Variants in TSPEAR observed in about 807,000 individuals in gnomAD.
The protein encoded by TSPEAR is thrombospondin-type laminin G domain and EAR repeat-containing protein.
In TSPEAR, 69 loss-of-function variants were observed where a neutral mutation model predicts 71.6. The ratio of observed to expected loss-of-function variants is 0.96; its 90% CI spans 0.79 to 1.18. TSPEAR has a LOEUF of 1.18. Ranked by LOEUF, TSPEAR falls within the 50% of genes most tolerant of loss-of-function variation. The pLI, the probability that TSPEAR is intolerant of heterozygous loss-of-function variation, is 0.00. For synonymous variants in TSPEAR, 402 were observed against 387.2 expected (o/e 1.04, Z -0.45); for missense variants, 971 against 894.9 (o/e 1.09, Z -1.09).
rs200211565 is a variant in TSPEAR at position 44,539,508 on chromosome 21, T to C, written c.304-5585A>G. 3.4e-4 allele frequency: 548 copies of C among 1,613,326 alleles called. 2 individuals carry two copies. The highest frequency in any genetic ancestry group is 4.4e-4 in the Non-Finnish European group (515 of 1,179,690). ...GTGGTGCAGCAAGCCGGCTGGCAGC[T>C]AGACTGCTGGCAGCATGAAGTGGAA... On this transcript the variant is annotated intron_variant, in intron 2 of 11. Transcript: ENST00000323084.
At chr21:44,628,097 C>A in intron 1 of TSPEAR, 1 of 1,578,212 alleles carries the variant, frequency 6.3e-7, no homozygotes, top group Non-Finnish European at 8.6e-7. Context: ...CACCTCCCTG[C>A]CAGTCCTTGG....
rs147225685 is a variant in TSPEAR, at chr21:44,559,626, A to G, written c.303+8159T>C. 4.7e-4 allele frequency among the ~76,000 whole-genome samples: 71 copies of G among 152,260 alleles called. 1 individual carries two copies. The East Asian group carries it at 0.011, about 23-fold the overall frequency. ...TTAGTTCTACTGTTGGCTCCTGGACATTGTCATAGTAAATGTACAAATAAA... is the reference window on the plus strand; with the variant it reads ...TTAGTTCTACTGTTGGCTCCTGGACGTTGTCATAGTAAATGTACAAATAAA... On this transcript the variant is annotated intron_variant, in intron 2 of 11. Coordinates refer to ENST00000323084, the MANE Select transcript of TSPEAR (RefSeq NM_144991.3).
At chr21:44,514,852 G>C (rs1444396521) in intron 9 of TSPEAR, among the ~76,000 whole-genome samples, 5 of 152,116 alleles carry the variant, frequency 3.3e-5, no homozygotes, top group African/African-American at 1.2e-4. Context: ...CCTTCCCCAG[G>C]GTGGGCAGCC....
At chr21:44,676,843 G>T (rs1986336150) in intron 1 of TSPEAR, 1 of 956,160 alleles carries the variant, frequency 1.0e-6, no homozygotes, top group South Asian at 1.3e-5. Flanking sequence ...TTTCTCCAAG[G>T]CTAATGTGAT....
chr21:44,658,135 C>T (rs782141050), intron 1 of TSPEAR: 2 of 1,613,632 alleles, frequency 1.2e-6, no homozygotes, highest in Non-Finnish European at 1.7e-6. Flanking sequence ...CCTGCCAGCC[C>T]TCCGTGTGCG....
intron 2 of TSPEAR, among the ~76,000 whole-genome samples, chr21:44,559,732 C>T (rs1325295671): frequency 6.6e-6 from 1 of 152,200 alleles, no homozygotes; most frequent in Non-Finnish European, 1.5e-5. Flanking sequence ...GGGACCATAC[C>T]TGTGCGCTAG....
At chr21:44,668,131 T>A (rs1317761827) in intron 1 of TSPEAR, among the ~76,000 whole-genome samples, 1 of 152,204 alleles carries the variant, frequency 6.6e-6, no homozygotes, top group Admixed American at 6.5e-5. Context: ...TGTTCACAGA[T>A]GACATGATTT....
chr21:44,622,514 T>C (rs587741144), intron 1 of TSPEAR, among the ~76,000 whole-genome samples: 48 of 152,336 alleles, frequency 3.2e-4, no homozygotes, highest in South Asian at 8.3e-4. Context: ...ATGCTTTCTC[T>C]TAGCTCCAAG....
intron 1 of TSPEAR, among the ~76,000 whole-genome samples, chr21:44,626,887 A>G (rs11702317): frequency 0.36 from 53,680 of 150,410 alleles, 9,565 homozygotes; most frequent in Middle Eastern, 0.43. Flanking sequence ...GATCAGGCCC[A>G]CCCCAACTCC....
Position 44,525,726 on chromosome 21 carries a change from T to C in TSPEAR, c.1263A>G (p.Thr421=). The C allele has an allele frequency of 6.2e-7, 1 of 1,614,198 alleles. No homozygotes were observed. The highest frequency in any genetic ancestry group is 8.5e-7 in the Non-Finnish European group (1 of 1,180,040). ...AGGCCTCCCAGTCTCGGGCGCTGTGTGTGGCAATGCTCTGATATGGGGTAA... is the reference window on the plus strand; with the variant it reads ...AGGCCTCCCAGTCTCGGGCGCTGTGCGTGGCAATGCTCTGATATGGGGTAA... ...LKFTPYQSIA[T]HSARDWEAFE... is the part of the protein sequence containing the mutation. The change falls in exon 8 of 12, where the codon ACA becomes ACG. Residue 421 remains threonine (T), a synonymous_variant. Transcript: ENST00000323084.
chr21:44,529,785 C>T lies in TSPEAR; in HGVS notation c.790+13G>A, dbSNP rs782635747. On this transcript the variant is annotated intron_variant, in intron 5 of 11. Transcript: ENST00000323084. ...CTGCCTTTGGTGTGGGGGCGGGTGG[C>T]CCCCCTACTAACCATAGGGATATTT... 6.8e-6 allele frequency: 11 copies of T among 1,612,998 alleles called. No homozygotes were observed. The highest frequency in any genetic ancestry group is 5.3e-5 in the African/African-American group (4 of 74,908).
At chr21:44,536,312 G>C (rs1017128030) in intron 2 of TSPEAR, among the ~76,000 whole-genome samples, 22 of 152,168 alleles carry the variant, frequency 1.4e-4, no homozygotes, top group Non-Finnish European at 2.9e-4. Flanking sequence ...CTACCCACTC[G>C]CATTTTGGGC....
At chr21:44,662,264 A>G (rs1320485137) in intron 1 of TSPEAR, among the ~76,000 whole-genome samples, 1 of 152,204 alleles carries the variant, frequency 6.6e-6, no homozygotes, top group Non-Finnish European at 1.5e-5. Context: ...ATTAAATATA[A>G]AAAACATAGA....
At chr21:44,677,500 C>G (rs1883041) in intron 1 of TSPEAR, 616,724 of 822,148 alleles carry the variant, frequency 0.75, 232,953 homozygotes, top group African/African-American at 0.89. Context: ...TGTTTTTCCT[C>G]TTGTGCAAGG....
At chr21:44,656,954 C>A (rs1177849117) in intron 1 of TSPEAR, among the ~76,000 whole-genome samples, 2 of 152,144 alleles carry the variant, frequency 1.3e-5, no homozygotes, top group Admixed American at 6.5e-5. Context: ...CCAGACCCCC[C>A]CAGCATGGGA....
chr21:44,660,748 C>T (rs1400895609), intron 1 of TSPEAR, among the ~76,000 whole-genome samples: 2 of 149,844 alleles, frequency 1.3e-5, no homozygotes, highest in African/African-American at 2.5e-5. Context: ...GGGTGGATCA[C>T]CTGAGGTCAG....
chr21:44,582,172 G>A (rs1195999323), intron 1 of TSPEAR, among the ~76,000 whole-genome samples: 1 of 152,220 alleles, frequency 6.6e-6, no homozygotes, highest in Non-Finnish European at 1.5e-5. Context: ...AGACATGCAC[G>A]GCGCAGGTGC....
chr21:44,662,474 T>C (rs587636199), intron 1 of TSPEAR, among the ~76,000 whole-genome samples: 2 of 152,164 alleles, frequency 1.3e-5, no homozygotes, highest in Admixed American at 6.5e-5. Flanking sequence ...CAGCCAACTT[T>C]CCAAACACAT....
At chr21:44,614,490 G>A (rs1458751512) in intron 1 of TSPEAR, among the ~76,000 whole-genome samples, 2 of 152,250 alleles carry the variant, frequency 1.3e-5, no homozygotes, top group Non-Finnish European at 2.9e-5. Flanking sequence ...GGGCCCAGGC[G>A]AGGGTGGAAC....
Sources: allele counts gnomAD v4.1 joint callset (sites outside exome capture counted in the v4.1 genomes callset), GRCh38; gene constraint gnomAD v4.1.1; transcripts MANE v1.5; gene names NCBI Gene and HGNC (gene_info 2026-07-23, HGNC 2026-07-21).